The following N4BP2 variants were observed in gnomAD, a reference collection of about 807,000 sequenced individuals.
The protein encoded by N4BP2 is NEDD4 binding protein 2.
N4BP2 carries 91 observed loss-of-function variants against 152.8 expected under a neutral mutation model. The ratio of observed to expected loss-of-function variants is 0.60; its 90% CI spans 0.50 to 0.71. The LOEUF (loss-of-function observed/expected upper bound fraction) is 0.71, where lower values mean the gene tolerates loss of function less well. Among genes scored for constraint, N4BP2 ranks in the 30% least tolerant of loss-of-function variants. The pLI is 0.00. For missense variants in N4BP2, 1,923 were observed against 2,059.1 expected, an observed-to-expected ratio of 0.93 and a Z score of 1.28; for synonymous variants, 646 against 705.3, an observed-to-expected ratio of 0.92 and a Z score of 1.33.
intron 2 of N4BP2, among the ~76,000 whole-genome samples, chr4:40,080,625 G>A (rs781140846): frequency 6.6e-5 from 10 of 150,936 alleles, no homozygotes; most frequent in Non-Finnish European, 1.3e-4. Context: ...GTGAACCACC[G>A]TGCCTGGCCT....
chr4:40,177,701 A>C, the N4BP2 span, among the ~76,000 whole-genome samples: 1 of 152,224 alleles, frequency 6.6e-6, no homozygotes, highest in Non-Finnish European at 1.5e-5. Flanking sequence ...TCTGATTTTC[A>C]GTATCAAATG....
At chr4:40,125,378 T>G (rs1257390132) in intron 11 of N4BP2, among the ~76,000 whole-genome samples, 1 of 152,226 alleles carries the variant, frequency 6.6e-6, no homozygotes, top group African/African-American at 2.4e-5. Context: ...TTGCCCACTC[T>G]TTATTGTGTG....
At chr4:40,143,031 A>T (rs1356854508) in intron 15 of N4BP2, among the ~76,000 whole-genome samples, 170 bp downstream of exon 15, 3 of 152,166 alleles carry the variant, frequency 2.0e-5, no homozygotes, top group African/African-American at 7.2e-5. Flanking sequence ...TGAGAATTTC[A>T]TCTCCTGCTG....
downstream of N4BP2, among the ~76,000 whole-genome samples, chr4:40,163,214 T>C (rs543594808): frequency 3.3e-5 from 5 of 152,374 alleles, no homozygotes; most frequent in Admixed American, 3.3e-4. Context: ...TTATGTTTAC[T>C]ATGAACTAGG....
intron 2 of N4BP2, among the ~76,000 whole-genome samples, chr4:40,085,634 T>C (rs1021886442): frequency 2.4e-4 from 37 of 152,042 alleles, no homozygotes; most frequent in African/African-American, 8.9e-4. Flanking sequence ...TTTAAATTTT[T>C]TGTAGAGGGA....
intron 1 of N4BP2, among the ~76,000 whole-genome samples, chr4:40,062,715 C>T (rs1733762698): frequency 6.6e-6 from 1 of 152,078 alleles, no homozygotes; most frequent in Non-Finnish European, 1.5e-5. Flanking sequence ...TAAATCTGCA[C>T]TTGAGTTCAG....
At chr4:40,119,480 C>A (rs181489921) in intron 8 of N4BP2, among the ~76,000 whole-genome samples, 1 of 152,052 alleles carries the variant, frequency 6.6e-6, no homozygotes, top group Admixed American at 6.6e-5. Context: ...TTCTCTTAAT[C>A]GGGCAAATAG....
intron 1 of N4BP2, among the ~76,000 whole-genome samples, chr4:40,069,312 G>A (rs1711904440): frequency 6.6e-6 from 1 of 151,642 alleles, no homozygotes; most frequent in South Asian, 2.1e-4. Flanking sequence ...AGTTGTTCTT[G>A]CCTGTAATCC....
chr4:40,092,008 T>TATATATA (rs1491368293), intron 2 of N4BP2, among the ~76,000 whole-genome samples: 27 of 27,200 alleles, frequency 9.9e-4, no homozygotes, highest in Non-Finnish European at 1.3e-3. Flanking sequence ...AAAAAAAAAA[T>TATATATA]TATATATATA....
rs150605086 is a variant in N4BP2, at chr4:40,097,505, A to G, written c.165A>G (p.Ser55=). The part of the protein sequence containing the change: ...VDQEELFTSI[S]EIFSDLDPDV... ...AGGAAGAACTCTTCACCAGTATCTC[A>G]GAGATATTTTCTGATCTGGATCCTG... The change falls in exon 3 of 18, where the codon TCA becomes TCG. Residue 55 remains serine, a synonymous_variant. Coordinates refer to ENST00000261435, the MANE Select transcript of N4BP2 (RefSeq NM_018177.6). The G allele has an allele frequency of 1.1e-4, 173 of 1,604,572 alleles. 1 individual carries two copies. The highest frequency in any genetic ancestry group is 9.7e-4 in the Admixed American group (58 of 59,960).
chr4:40,121,657 G>T lies in N4BP2; in HGVS notation c.3546G>T (p.Gly1182=). ...CTCCTGTGCCAGAGTTTAGCCATGGGATTGGTATTAGTAACGCTGACTCAC... is the reference window on the plus strand; with the variant it reads ...CTCCTGTGCCAGAGTTTAGCCATGGTATTGGTATTAGTAACGCTGACTCAC... ...SNSPVPEFSH[G]IGISNADSQS... The change falls in exon 9 of 18, where the codon GGG becomes GGT. Residue 1182 remains glycine (G), a synonymous_variant. Transcript: ENST00000261435. The T allele has an allele frequency of 4.3e-6, 7 of 1,614,144 alleles. No individual in the cohort carries two copies. The highest frequency in any genetic ancestry group is 5.9e-6 in the Non-Finnish European group (7 of 1,180,032).
At chr4:40,175,064 A>G in the N4BP2 span, among the ~76,000 whole-genome samples, 1 of 152,148 alleles carries the variant, frequency 6.6e-6, no homozygotes, top group Non-Finnish European at 1.5e-5. Context: ...TCTGTTGCCC[A>G]AACTGGAGTG....
chr4:40,127,844 G>A (rs1385339386), intron 12 of N4BP2, among the ~76,000 whole-genome samples: 1 of 152,028 alleles, frequency 6.6e-6, no homozygotes, highest in East Asian at 1.9e-4. Context: ...GTATTTTTTA[G>A]TAGAGACGGG....
the N4BP2 span, chr4:40,167,971 A>G: frequency 6.6e-6 from 1 of 152,034 alleles, no homozygotes; most frequent in East Asian, 1.9e-4. Flanking sequence ...GAAAGCATCA[A>G]GGAATAGAGT....
In N4BP2 at chr4:40,122,174, G is replaced by A; in HGVS notation, c.4063G>A (p.Glu1355Lys). Residue 1355 changes from glutamate to lysine, a missense_variant, in exon 9 of 18, where the codon GAA (glutamate) becomes AAA (lysine). Coordinates refer to ENST00000261435, the MANE Select transcript of N4BP2 (RefSeq NM_018177.6). ...TAGTTTATCAGCTGGAGTTAGTGGG[G>A]AAGATAAAACCGAGATATTGAATCC... ...GSSLSAGVSGEDKTEILNPTP... is the reference protein window; with the variant it reads ...GSSLSAGVSGKDKTEILNPTP... The A allele has an allele frequency of 1.2e-6, 2 of 1,613,632 alleles. No individual in the cohort carries two copies. The highest frequency in any genetic ancestry group is 1.7e-6 in the Non-Finnish European group (2 of 1,179,662).
chr4:40,091,605 T>C (rs1020680930), intron 2 of N4BP2, among the ~76,000 whole-genome samples: 1 of 141,286 alleles, frequency 7.1e-6, no homozygotes. Flanking sequence ...TACAATCCTT[T>C]TTTTTTTTTT....
chr4:40,153,548 A>G (rs573924872), intron 17 of N4BP2, among the ~76,000 whole-genome samples: 6 of 152,332 alleles, frequency 3.9e-5, no homozygotes, highest in Admixed American at 2.0e-4. Flanking sequence ...CAAAGATGAA[A>G]TATCTGTTGA....
At chr4:40,174,547 A>G in the N4BP2 span, among the ~76,000 whole-genome samples, 1 of 152,116 alleles carries the variant, frequency 6.6e-6, no homozygotes, top group Admixed American at 6.5e-5. Flanking sequence ...TCACGCCTGT[A>G]ATCCCAGTAC....
chr4:40,091,960 T>A (rs530809061), intron 2 of N4BP2, among the ~76,000 whole-genome samples: 1 of 109,516 alleles, frequency 9.1e-6, no homozygotes, highest in South Asian at 3.1e-4. Context: ...CCAGCCTGGG[T>A]GATAGAGCAA....
Sources: gnomAD v4.1 joint callset for allele counts (sites outside exome capture counted in the v4.1 genomes callset) on GRCh38, gnomAD v4.1.1 for gene constraint, MANE v1.5 for transcripts, NCBI Gene and HGNC (gene_info 2026-07-23, HGNC 2026-07-21) for gene names.